The following NKAIN2 variants were observed in gnomAD, a reference collection of about 807,000 sequenced individuals.
NKAIN2 encodes the protein sodium/potassium-transporting ATPase subunit beta-1-interacting protein 2.
In NKAIN2, 14 loss-of-function variants were observed where a neutral mutation model predicts 32.6. The ratio of observed to expected loss-of-function variants is 0.43; its 90% CI spans 0.28 to 0.67. NKAIN2 has a LOEUF of 0.67. Among genes scored for constraint, NKAIN2 ranks in the 30% least tolerant of loss-of-function variants. The pLI, the probability that NKAIN2 is intolerant of heterozygous loss-of-function variation, is 0.17. For synonymous variants in NKAIN2, 80 were observed against 87.2 expected (o/e 0.92, Z 0.46); for missense variants, 198 against 258.3 (o/e 0.77, Z 1.60).
intron 1 of NKAIN2, among the ~76,000 whole-genome samples, chr6:124,114,589 T>A (rs1785525690): frequency 6.6e-6 from 1 of 152,044 alleles, no homozygotes. Flanking sequence ...AAGGGAGGAA[T>A]TTTAAGTAGA....
Position 124,559,080 on chromosome 6 carries a change from C to T in NKAIN2, c.274-99106C>T, listed in dbSNP as rs183820257. 4.6e-4 allele frequency among the ~76,000 whole-genome samples: 70 copies of T among 152,228 alleles called. No individual in the cohort carries two copies. In the East Asian group the frequency reaches 0.012, roughly 26 times the overall value. ...AGCCAGTGTATACCAGGTATAGATTCGTTTTCCTGTTTACTCCTCGTATTC... is the reference window on the plus strand; with the variant it reads ...AGCCAGTGTATACCAGGTATAGATTTGTTTTCCTGTTTACTCCTCGTATTC... On this transcript the variant is annotated intron_variant, in intron 3 of 6. Coordinates refer to ENST00000368417, the MANE Select transcript of NKAIN2 (RefSeq NM_001040214.3).
At chr6:124,071,049 T>C (rs995195504) in intron 1 of NKAIN2, among the ~76,000 whole-genome samples, 3 of 152,164 alleles carry the variant, frequency 2.0e-5, no homozygotes, top group African/African-American at 7.2e-5. Flanking sequence ...CAAAGACACA[T>C]TTATTCATTT....
At chr6:124,033,745 G>A (rs1302386411) in intron 1 of NKAIN2, among the ~76,000 whole-genome samples, 1 of 152,086 alleles carries the variant, frequency 6.6e-6, no homozygotes, top group Admixed American at 6.6e-5. Context: ...CAGGGAAACA[G>A]GAATAATGCA....
At position 124,222,308 on chromosome 6, in the gene NKAIN2, A is replaced by G. The variant is rs191714989; in HGVS notation, c.55-60697A>G. On this transcript the variant is annotated intron_variant, in intron 1 of 6. Coordinates refer to ENST00000368417, the MANE Select transcript of NKAIN2 (RefSeq NM_001040214.3). ...GGAAAAATAATAAATGAACAAACTA[A>G]AATGTATTAAATCACTGGCTGAAGA... 9.9e-4 allele frequency among the ~76,000 whole-genome samples: 151 copies of G among 152,372 alleles called. 1 individual carries two copies. The highest frequency in any genetic ancestry group is 1.1e-3 in the Non-Finnish European group (74 of 68,034).
intron 3 of NKAIN2, among the ~76,000 whole-genome samples, chr6:124,500,089 C>T (rs146138271): frequency 4.6e-5 from 7 of 152,304 alleles, no homozygotes; most frequent in African/African-American, 1.7e-4. Context: ...TGTAGCCTAT[C>T]TCCCTCCTCA....
chr6:124,052,254 G>A (rs911552806), intron 1 of NKAIN2, among the ~76,000 whole-genome samples: 1 of 152,008 alleles, frequency 6.6e-6, no homozygotes, highest in East Asian at 1.9e-4. Flanking sequence ...AAAGACGTAG[G>A]AAGGATTGGA....
intron 1 of NKAIN2, among the ~76,000 whole-genome samples, chr6:123,926,765 T>C (rs1776024381): frequency 6.6e-6 from 1 of 152,232 alleles, no homozygotes; most frequent in Non-Finnish European, 1.5e-5. Flanking sequence ...TAGTCAACCT[T>C]TGGACATGCA....
chr6:124,043,341 C>T (rs1781965546), intron 1 of NKAIN2, among the ~76,000 whole-genome samples: 1 of 151,904 alleles, frequency 6.6e-6, no homozygotes, highest in Non-Finnish European at 1.5e-5. Flanking sequence ...CTCAAGAAAA[C>T]ATAATAATAA....
At chr6:124,320,169 G>T (rs947365992) in intron 2 of NKAIN2, among the ~76,000 whole-genome samples, 9 of 151,966 alleles carry the variant, frequency 5.9e-5, no homozygotes, top group Non-Finnish European at 7.4e-5. Flanking sequence ...CTTGACATTT[G>T]GATATATTCC....
chr6:123,860,783 A>C (rs1038023507), intron 1 of NKAIN2, among the ~76,000 whole-genome samples: 2 of 152,232 alleles, frequency 1.3e-5, no homozygotes, highest in African/African-American at 4.8e-5. Flanking sequence ...CTCTCTTCTG[A>C]CCACCTCTCA....
At chr6:124,478,984 C>T (rs1385422044) in intron 3 of NKAIN2, among the ~76,000 whole-genome samples, 1 of 152,130 alleles carries the variant, frequency 6.6e-6, no homozygotes, top group African/African-American at 2.4e-5. Context: ...ATAAGAATAG[C>T]ACTTTACCTC....
intron 1 of NKAIN2, among the ~76,000 whole-genome samples, chr6:123,885,331 A>T (rs1015516162): frequency 2.0e-5 from 3 of 152,252 alleles, no homozygotes; most frequent in Non-Finnish European, 4.4e-5. Context: ...CAAGACTTTG[A>T]CATCCTACAG....
At chr6:124,058,204 GT>G (rs35264755) in intron 1 of NKAIN2, among the ~76,000 whole-genome samples, 4,419 of 131,728 alleles carry the variant, frequency 0.034, 108 homozygotes, top group African/African-American at 0.08. Flanking sequence ...TTTAAGTTTT[GT>G]TTTTTTTTTT....
chr6:124,555,486 T>C (rs1271707587), intron 3 of NKAIN2, among the ~76,000 whole-genome samples: 1 of 152,224 alleles, frequency 6.6e-6, no homozygotes, highest in Non-Finnish European at 1.5e-5. Flanking sequence ...ACTCTTAGTA[T>C]GAAAATAGAT....
intron 1 of NKAIN2, among the ~76,000 whole-genome samples, chr6:123,942,897 C>T (rs987596670): frequency 3.9e-5 from 6 of 151,962 alleles, no homozygotes; most frequent in African/African-American, 1.4e-4. Flanking sequence ...TAGGAGTGCT[C>T]ATTGATACAA....
At chr6:124,142,575 T>A (rs1787199757) in intron 1 of NKAIN2, among the ~76,000 whole-genome samples, 1 of 152,154 alleles carries the variant, frequency 6.6e-6, no homozygotes, top group South Asian at 2.1e-4. Context: ...AACACGCAGT[T>A]GGATAGCAAA....
At chr6:124,676,194 G>T (rs545211232) in intron 4 of NKAIN2, among the ~76,000 whole-genome samples, 1 of 152,012 alleles carries the variant, frequency 6.6e-6, no homozygotes, top group Non-Finnish European at 1.5e-5. Context: ...AATATTTTTG[G>T]TATGATTTCA....
intron 1 of NKAIN2, among the ~76,000 whole-genome samples, chr6:123,823,763 C>T (rs1774022660): frequency 6.6e-6 from 1 of 151,954 alleles, no homozygotes. Context: ...CATCAAGAGA[C>T]TCAAGAAGAG....
intron 3 of NKAIN2, among the ~76,000 whole-genome samples, chr6:124,604,399 A>G (rs1011716116): frequency 6.6e-6 from 1 of 151,926 alleles, no homozygotes; most frequent in Non-Finnish European, 1.5e-5. Context: ...TGTTTTATCT[A>G]CATATTTGGG....
Sources: gnomAD v4.1 joint callset for allele counts (sites outside exome capture counted in the v4.1 genomes callset) on GRCh38, gnomAD v4.1.1 for gene constraint, MANE v1.5 for transcripts, NCBI Gene and HGNC (gene_info 2026-07-23, HGNC 2026-07-21) for gene names.